GPC6: variants seen among roughly 807,000 people sequenced by gnomAD.
GPC6 encodes glypican 6.
A neutral mutation model predicts 55.2 loss-of-function variants in GPC6; 14 were observed. The ratio of observed to expected loss-of-function variants is 0.25; its 90% CI spans 0.17 to 0.40. The LOEUF is 0.40. GPC6 is among the 10% of genes least tolerant of loss of function. GPC6 has a pLI of 1.00. For synonymous variants in GPC6, 278 were observed against 259.6 expected (o/e 1.07, Z -0.68); for missense variants, 641 against 708.5 (o/e 0.90, Z 1.08).
chr13:93,508,414 A>G (rs1038089586), intron 1 of GPC6, among the ~76,000 whole-genome samples: 4 of 152,204 alleles, frequency 2.6e-5, no homozygotes, highest in African/African-American at 9.6e-5. Flanking sequence ...ATGTTTAAGC[A>G]AGGTGAGGCT....
At chr13:93,768,364 T>G (rs1047418406) in intron 2 of GPC6, among the ~76,000 whole-genome samples, 5 of 152,198 alleles carry the variant, frequency 3.3e-5, no homozygotes, top group African/African-American at 1.2e-4. Context: ...AGTTTACCCA[T>G]TCCATAGCAC....
At chr13:93,430,669 A>G (rs1022257597) in intron 1 of GPC6, among the ~76,000 whole-genome samples, 36 of 152,270 alleles carry the variant, frequency 2.4e-4, no homozygotes, top group African/African-American at 7.7e-4. Context: ...GAACGTACCA[A>G]TAGTAATAGC....
chr13:93,651,845 A>C (rs1234881160), intron 2 of GPC6, among the ~76,000 whole-genome samples: 2 of 152,200 alleles, frequency 1.3e-5, no homozygotes, highest in Non-Finnish European at 2.9e-5. Flanking sequence ...GGAGCCGTTA[A>C]CAAACACCGA....
At chr13:93,260,970 G>A (rs1877125262) in intron 1 of GPC6, among the ~76,000 whole-genome samples, 1 of 152,116 alleles carries the variant, frequency 6.6e-6, no homozygotes, top group African/African-American at 2.4e-5. Context: ...ACATGATTAT[G>A]TTTTTCATGC....
chr13:93,279,744 G>A (rs1269280964), intron 1 of GPC6, among the ~76,000 whole-genome samples: 1 of 152,190 alleles, frequency 6.6e-6, no homozygotes, highest in African/African-American at 2.4e-5. Context: ...ACTTACTAGT[G>A]TGGACAGAAA....
At chr13:94,374,225 A>C (rs1413548498) in intron 6 of GPC6, among the ~76,000 whole-genome samples, 1 of 150,510 alleles carries the variant, frequency 6.6e-6, no homozygotes, top group Non-Finnish European at 1.5e-5. Flanking sequence ...TATTAACTTT[A>C]AATGTAAATG....
rs182425525 is a variant in GPC6, at chr13:93,520,073, T to C, written c.161-25190T>C. ...TACTAAACTTCAGCATATAAACTTG[T>C]GATGAATGATTAAGACACATTAGGC... On this transcript the variant is annotated intron_variant, in intron 1 of 8. Transcript: ENST00000377047. Among the ~76,000 whole-genome samples the C allele has an allele frequency of 2.7e-4, 41 of 152,112 alleles. No homozygotes were observed. The East Asian group carries it at 7.9e-3, about 29-fold the overall frequency.
rs964772962 is a variant in GPC6, at chr13:94,322,209, C to T, written c.1152+16086C>T. Among the ~76,000 whole-genome samples the T allele has an allele frequency of 1.4e-4, 22 of 152,328 alleles. No homozygotes were observed. In the East Asian group the frequency reaches 2.3e-3, roughly 16 times the overall value. ...GTTTTATAAGAGGTTTCCCCTTTTG[C>T]TTGGCTCACATTCTCTCTTGTCTGC... On this transcript the variant is annotated intron_variant, in intron 6 of 8. Transcript: ENST00000377047.
At chr13:93,970,533 G>A (rs1347166838) in intron 3 of GPC6, among the ~76,000 whole-genome samples, 2 of 152,156 alleles carry the variant, frequency 1.3e-5, no homozygotes, top group African/African-American at 2.4e-5. Flanking sequence ...ATTCTCAGCT[G>A]GGCCGGAAGA....
chr13:93,403,280 A>G (rs567119447), intron 1 of GPC6, among the ~76,000 whole-genome samples: 1 of 152,282 alleles, frequency 6.6e-6, no homozygotes, highest in African/African-American at 2.4e-5. Flanking sequence ...TTGGTCTGAA[A>G]ACAAGACCTG....
At chr13:93,502,475 A>G (rs1372845980) in intron 1 of GPC6, among the ~76,000 whole-genome samples, 2 of 152,110 alleles carry the variant, frequency 1.3e-5, no homozygotes, top group Non-Finnish European at 2.9e-5. Flanking sequence ...TTGACTAACA[A>G]GTGTAGTTTG....
intron 1 of GPC6, among the ~76,000 whole-genome samples, chr13:93,366,231 T>A (rs976143216): frequency 1.3e-5 from 2 of 152,094 alleles, no homozygotes; most frequent in Non-Finnish European, 2.9e-5. Flanking sequence ...AAAACCCCAA[T>A]AAACTTTACA....
chr13:93,829,530 A>G (rs1319037443), intron 2 of GPC6, among the ~76,000 whole-genome samples: 2 of 152,186 alleles, frequency 1.3e-5, no homozygotes, highest in East Asian at 3.9e-4. Context: ...ATGATAATCC[A>G]AGATACTTTA....
At chr13:94,353,820 A>T (rs973857167) in intron 6 of GPC6, among the ~76,000 whole-genome samples, 4 of 152,218 alleles carry the variant, frequency 2.6e-5, no homozygotes, top group African/African-American at 9.6e-5. Flanking sequence ...TTCTTGCTTC[A>T]ATAATTAAGA....
At chr13:93,924,553 A>G (rs1877751084) in intron 3 of GPC6, among the ~76,000 whole-genome samples, 1 of 152,200 alleles carries the variant, frequency 6.6e-6, no homozygotes, top group Admixed American at 6.5e-5. Flanking sequence ...TGTATTCATT[A>G]AAAAGGAAGC....
chr13:93,245,502 C>T (rs1594050009), intron 1 of GPC6, among the ~76,000 whole-genome samples: 1 of 152,156 alleles, frequency 6.6e-6, no homozygotes, highest in African/African-American at 2.4e-5. Context: ...AATGGCTGGG[C>T]TCCACCTCCC....
chr13:94,398,655 T>G lies in GPC6; in HGVS notation c.1465+14T>G. 6.2e-7 allele frequency: 1 copy of G among 1,612,452 alleles called. No individual in the cohort carries two copies. The highest frequency in any genetic ancestry group is 8.5e-7 in the Non-Finnish European group (1 of 1,178,608). ...TCCAGGACACAAGTAAGAAAATCCT[T>G]CCCAGCACCAGAAATTTTCAAAGTA... is the stretch of plus-strand genomic sequence containing the variant. On this transcript the variant is annotated intron_variant, in intron 8 of 8. Coordinates refer to ENST00000377047, the MANE Select transcript of GPC6 (RefSeq NM_005708.5).
At chr13:93,873,195 G>A (rs1009075240) in intron 3 of GPC6, among the ~76,000 whole-genome samples, 10 of 151,562 alleles carry the variant, frequency 6.6e-5, no homozygotes, top group African/African-American at 2.4e-4. Context: ...TGTTCACATT[G>A]CTATTTGCCA....
chr13:93,406,626 A>G lies in GPC6; in HGVS notation c.161-138637A>G, dbSNP rs541209635. Among the ~76,000 whole-genome samples, 8 of 152,344 alleles carry G rather than the reference A, an allele frequency of 5.3e-5. No homozygotes were observed. The South Asian group carries it at 1.7e-3, about 32-fold the overall frequency. ...AATAACAAACTCACAGAAGTGAGAC[A>G]TGAATTAAGAATTACCAATTTGTAT... is the stretch of plus-strand genomic sequence containing the variant. On this transcript the variant is annotated intron_variant, in intron 1 of 8. Coordinates refer to ENST00000377047, the MANE Select transcript of GPC6 (RefSeq NM_005708.5).
Sources: gnomAD v4.1 joint callset for allele counts (sites outside exome capture counted in the v4.1 genomes callset) on GRCh38, gnomAD v4.1.1 for gene constraint, MANE v1.5 for transcripts, NCBI Gene and HGNC (gene_info 2026-07-23, HGNC 2026-07-21) for gene names.